The following SHQ1 variants were observed in gnomAD, a reference collection of about 807,000 sequenced individuals.
SHQ1 encodes the protein protein SHQ1 homolog.
A neutral mutation model predicts 53.8 loss-of-function variants in SHQ1; 49 were observed. That is an observed-to-expected ratio of 0.91 (90% CI 0.72 to 1.16). SHQ1 has a LOEUF of 1.16. Among genes scored for constraint, SHQ1 ranks in the 50% most tolerant of loss-of-function variants. The pLI is 0.00. For missense variants in SHQ1, 738 were observed against 683.1 expected (o/e 1.08, Z -0.90); for synonymous variants, 243 against 251.0 (o/e 0.97, Z 0.30).
At chr3:72,779,992 T>C (rs1050883091) in intron 10 of SHQ1, among the ~76,000 whole-genome samples, 6 of 152,182 alleles carry the variant, frequency 3.9e-5, no homozygotes, top group African/African-American at 1.4e-4. Context: ...CCTAGCACTT[T>C]TGGGAGGCCA....
the SHQ1 span, among the ~76,000 whole-genome samples, chr3:72,735,285 G>T: frequency 6.6e-6 from 1 of 150,532 alleles, no homozygotes; most frequent in Non-Finnish European, 1.5e-5. Context: ...GGGCTCAGTG[G>T]GGGCGGTTCT....
intron 10 of SHQ1, among the ~76,000 whole-genome samples, chr3:72,756,905 T>C (rs1705507485): frequency 6.6e-6 from 1 of 152,228 alleles, no homozygotes. Context: ...GCCTTTACTA[T>C]GGCTAAGCTG....
chr3:72,756,177 G>C (rs1233631815), intron 10 of SHQ1, among the ~76,000 whole-genome samples: 1 of 152,136 alleles, frequency 6.6e-6, no homozygotes, highest in Non-Finnish European at 1.5e-5. Flanking sequence ...TGTGATTACA[G>C]GCATGAGCGG....
At chr3:72,824,619 C>CTTA in intron 5 of SHQ1, 68 bp from the exon 6 acceptor site, 1 of 1,517,748 alleles carries the variant, frequency 6.6e-7, no homozygotes, top group Non-Finnish European at 8.9e-7. Context: ...AACATTTTAT[C>CTTA]TTAACTCATA....
At position 72,832,393 on chromosome 3, in the gene SHQ1, G is replaced by A. The variant is rs1707850250; in HGVS notation, c.575C>T (p.Ala192Val). 1 of 1,612,016 alleles carries A rather than the reference G, an allele frequency of 6.2e-7. No homozygotes were observed. Among genetic ancestry groups the A allele is most frequent in the African/African-American group, 1.3e-5 (1 of 74,856 alleles). The change falls in exon 5 of 11, where the codon GCC (alanine) becomes GTC (valine). Residue 192 changes from alanine (A) to valine (V), a missense_variant. Ala to Val is a moderately conservative substitution (Grantham distance 64). Transcript: ENST00000325599. ...CAGATAATGATCAGGATCAAACTTG[G>A]CCAGCTCAGCGGCCAGGCGCTTCTG... The part of the protein sequence containing the change: ...RRQKRLAAEL[A>V]KFDPDHYLAD...
In SHQ1 at chr3:72,750,429, CAGG is replaced by C. The variant is rs767236274; in HGVS notation, c.1586_1588del (p.Ser529del). On this transcript the variant is annotated inframe_deletion, in exon 11 of 11. Transcript: ENST00000325599. Reference sequence around the variant, plus strand: ...CAGAGGCCCAGACACTCCAAGAGGCCAGGAAGAGGCAAGTGGCTTTCCCTGACT... The same window carrying C: ...CAGAGGCCCAGACACTCCAAGAGGCCAAGAGGCAAGTGGCTTTCCCTGACT... 1.1e-5 allele frequency: 17 copies of C among 1,614,026 alleles called. No homozygotes were observed. Among genetic ancestry groups the C allele is most frequent in the Non-Finnish European group, 1.4e-5 (16 of 1,180,050 alleles).
chr3:72,821,066 C>T (rs745636742), intron 6 of SHQ1, among the ~76,000 whole-genome samples: 14 of 152,174 alleles, frequency 9.2e-5, no homozygotes, highest in Non-Finnish European at 1.8e-4. Flanking sequence ...CTCAGAGTAA[C>T]GCACATCTGT....
the SHQ1 span, among the ~76,000 whole-genome samples, chr3:72,727,639 G>A: frequency 1.3e-5 from 2 of 152,118 alleles, no homozygotes; most frequent in African/African-American, 2.4e-5. Flanking sequence ...GTTTTCAATC[G>A]CAAGTCAGCC....
rs147582523 is a variant in SHQ1, at chr3:72,842,876, C to T, written c.209-474G>A. 3.1e-3 allele frequency among the ~76,000 whole-genome samples: 469 copies of T among 152,248 alleles called. 6 individuals are homozygous for T. The highest frequency in any genetic ancestry group is 0.011 in the African/African-American group (441 of 41,544). ...GGATCATGAGGTCAAGAGATCAACACCATCCTGGCCAACATGGTGAAACCC... is the reference window on the plus strand; with the variant it reads ...GGATCATGAGGTCAAGAGATCAACATCATCCTGGCCAACATGGTGAAACCC... On this transcript the variant is annotated intron_variant, in intron 2 of 10. Coordinates refer to ENST00000325599, the MANE Select transcript of SHQ1 (RefSeq NM_018130.3).
At chr3:72,822,737 T>A (rs1403569827) in intron 6 of SHQ1, among the ~76,000 whole-genome samples, 2 of 152,194 alleles carry the variant, frequency 1.3e-5, no homozygotes, top group African/African-American at 4.8e-5. Context: ...TATATTCTGT[T>A]AGCAATCCTA....
downstream of SHQ1, among the ~76,000 whole-genome samples, chr3:72,748,291 C>A (rs1382102926): frequency 9.1e-6 from 1 of 110,126 alleles, no homozygotes; most frequent in Non-Finnish European, 1.7e-5. Flanking sequence ...AGGTAAAATT[C>A]ACAAAGTGTG....
chr3:72,833,079 C>T (rs1707870039), intron 4 of SHQ1, among the ~76,000 whole-genome samples: 1 of 152,100 alleles, frequency 6.6e-6, no homozygotes, highest in East Asian at 1.9e-4. Context: ...AGAGTATTTC[C>T]TTTGAGTGCC....
chr3:72,792,768 G>A, intron 10 of SHQ1, 148 bp downstream of exon 10: 1 of 691,686 alleles, frequency 1.4e-6, no homozygotes, highest in South Asian at 1.9e-5. Context: ...TGGGTGACAA[G>A]GGCAAACCTC....
chr3:72,830,338 A>G (rs1368947618), intron 5 of SHQ1, among the ~76,000 whole-genome samples: 2 of 152,076 alleles, frequency 1.3e-5, no homozygotes, highest in African/African-American at 4.8e-5. Flanking sequence ...AGACAAGTCA[A>G]ACAACTTACA....
intron 5 of SHQ1, among the ~76,000 whole-genome samples, chr3:72,828,688 C>A (rs1237736687): frequency 6.6e-6 from 1 of 152,024 alleles, no homozygotes; most frequent in African/African-American, 2.4e-5. Flanking sequence ...GAGCAAGACT[C>A]TGTCTCAAAA....
the SHQ1 span, among the ~76,000 whole-genome samples, chr3:72,741,348 G>T: frequency 7.2e-5 from 11 of 152,044 alleles, no homozygotes; most frequent in Non-Finnish European, 1.6e-4. Context: ...CATCTTGGGA[G>T]GCCAAGGCAG....
intron 10 of SHQ1, among the ~76,000 whole-genome samples, chr3:72,765,557 A>ATATATATATATATATATTTTTT (rs1491527508): frequency 1.7e-5 from 1 of 57,192 alleles, no homozygotes; most frequent in African/African-American, 7.9e-5. Flanking sequence ...ATATATATAT[A>ATATATATATATATATATTTTTT]TTTTTTTTTT....
At chr3:72,786,913 G>C (rs894663995) in intron 10 of SHQ1, among the ~76,000 whole-genome samples, 1 of 152,208 alleles carries the variant, frequency 6.6e-6, no homozygotes, top group African/African-American at 2.4e-5. Context: ...AGGAACAACA[G>C]AGAGCCAGAA....
intron 1 of SHQ1, chr3:72,846,488 G>GA: frequency 1.7e-6 from 1 of 572,290 alleles, no homozygotes; most frequent in Non-Finnish European, 3.0e-6. Flanking sequence ...AGTACAGATG[G>GA]GGTTTAACCA....
Sources: allele counts gnomAD v4.1 joint callset (sites outside exome capture counted in the v4.1 genomes callset), GRCh38; gene constraint gnomAD v4.1.1; transcripts MANE v1.5; gene names NCBI Gene and HGNC (gene_info 2026-07-23, HGNC 2026-07-21).